The following KLF12 variants were observed in gnomAD, a reference collection of about 807,000 sequenced individuals.
KLF12 encodes the protein Krueppel-like factor 12.
Under a neutral mutation model 37.8 loss-of-function variants are expected in KLF12, and 9 were observed. The ratio of observed to expected loss-of-function variants is 0.24; its 90% CI spans 0.14 to 0.42. KLF12 has a LOEUF of 0.42. KLF12 is among the 10% of genes least tolerant of loss of function. KLF12 has a pLI of 1.00. For missense variants in KLF12, 411 were observed against 516.0 expected (o/e 0.80, Z 1.97); for synonymous variants, 208 against 202.1 (o/e 1.03, Z -0.25).
intron 6 of KLF12, among the ~76,000 whole-genome samples, chr13:73,724,508 T>C (rs758739970): frequency 6.6e-6 from 1 of 152,216 alleles, no homozygotes; most frequent in Non-Finnish European, 1.5e-5. Flanking sequence ...AGAATGACTG[T>C]CTGAGGCCAC....
chr13:74,037,482 C>T (rs867042576), intron 1 of KLF12, among the ~76,000 whole-genome samples: 4 of 152,282 alleles, frequency 2.6e-5, no homozygotes, highest in South Asian at 2.1e-4. Context: ...CCAATTAAAC[C>T]GTGTTGAACA....
At chr13:73,785,984 C>G (rs568420708) in intron 5 of KLF12, among the ~76,000 whole-genome samples, 1 of 152,126 alleles carries the variant, frequency 6.6e-6, no homozygotes, top group African/African-American at 2.4e-5. Flanking sequence ...TTCCCAGAGG[C>G]CTTTGCAACT....
At chr13:73,919,304 T>C (rs558996913) in intron 3 of KLF12, among the ~76,000 whole-genome samples, 1 of 152,278 alleles carries the variant, frequency 6.6e-6, no homozygotes, top group African/African-American at 2.4e-5. Flanking sequence ...CCTAGAAAAT[T>C]TGCTAACCCC....
intron 1 of KLF12, among the ~76,000 whole-genome samples, chr13:74,003,989 T>C (rs148131196): frequency 1.1e-4 from 17 of 152,174 alleles, no homozygotes; most frequent in Admixed American, 9.8e-4. Flanking sequence ...TGAAATGACA[T>C]GATCAAATAA....
intron 1 of KLF12, among the ~76,000 whole-genome samples, chr13:74,013,858 T>A (rs1413313026): frequency 6.6e-6 from 1 of 152,054 alleles, no homozygotes; most frequent in African/African-American, 2.4e-5. Context: ...CTTTTCTTTT[T>A]TTTTTTTAAG....
chr13:73,756,239 T>A (rs2138013417), intron 6 of KLF12, among the ~76,000 whole-genome samples: 1 of 152,366 alleles, frequency 6.6e-6, no homozygotes, highest in South Asian at 2.1e-4. Context: ...GAACCCAGCT[T>A]GTAGATCAAA....
chr13:74,190,384 C>T, the KLF12 span, among the ~76,000 whole-genome samples: 2 of 152,074 alleles, frequency 1.3e-5, no homozygotes, highest in African/African-American at 2.4e-5. Flanking sequence ...ATTTCCCTTG[C>T]CTTCTTCTAC....
chr13:74,208,574 ACT>A, the KLF12 span, among the ~76,000 whole-genome samples: 1 of 152,054 alleles, frequency 6.6e-6, no homozygotes, highest in Non-Finnish European at 1.5e-5. Flanking sequence ...GATTCCAAAG[ACT>A]CTTTCAAACT....
the KLF12 span, among the ~76,000 whole-genome samples, chr13:74,207,976 A>G: frequency 2.0e-5 from 3 of 152,198 alleles, no homozygotes; most frequent in African/African-American, 7.2e-5. Context: ...ATTTTGACTC[A>G]TCATTGAATT....
chr13:73,831,676 T>A (rs1219785302), intron 4 of KLF12, among the ~76,000 whole-genome samples: 1 of 152,218 alleles, frequency 6.6e-6, no homozygotes, highest in Non-Finnish European at 1.5e-5. Context: ...TGACGTTTTC[T>A]TTGCTGGCTG....
intron 4 of KLF12, among the ~76,000 whole-genome samples, chr13:73,830,462 C>T (rs971725484): frequency 3.9e-5 from 6 of 152,276 alleles, no homozygotes; most frequent in African/African-American, 1.4e-4. Context: ...ACCAAACACA[C>T]ACTTTATTGA....
At chr13:74,091,933 C>CT (rs1210963219) in intron 1 of KLF12, among the ~76,000 whole-genome samples, 1 of 151,724 alleles carries the variant, frequency 6.6e-6, no homozygotes, top group Non-Finnish European at 1.5e-5. Context: ...ACGTGTGACA[C>CT]TTTTTTGCCT....
intron 1 of KLF12, among the ~76,000 whole-genome samples, chr13:74,017,018 A>G (rs1892702871): frequency 6.6e-6 from 1 of 152,116 alleles, no homozygotes; most frequent in South Asian, 2.1e-4. Context: ...AAAACAGCAC[A>G]TGTACTCGTG....
chr13:73,904,729 C>T (rs1222351615), intron 3 of KLF12, among the ~76,000 whole-genome samples: 1 of 152,070 alleles, frequency 6.6e-6, no homozygotes, highest in Non-Finnish European at 1.5e-5. Flanking sequence ...TAAGTTACAA[C>T]TGTAACTCCC....
intron 3 of KLF12, among the ~76,000 whole-genome samples, chr13:73,853,178 A>G (rs1020401568): frequency 1.3e-5 from 2 of 152,190 alleles, no homozygotes; most frequent in African/African-American, 4.8e-5. Context: ...TTTTTTACAT[A>G]TGAATTGAAT....
chr13:73,891,912 A>AT (rs1212838596), intron 3 of KLF12, among the ~76,000 whole-genome samples: 13 of 152,138 alleles, frequency 8.5e-5, no homozygotes, highest in African/African-American at 3.1e-4. Flanking sequence ...AAAAAGTAAC[A>AT]TTGTATCAAA....
Position 73,686,656 on chromosome 13 carries a change from T to C in KLF12, c.*8834A>G, listed in dbSNP as rs1873512792. 1 of 152,408 alleles carries C rather than the reference T, an allele frequency of 6.6e-6. No homozygotes were observed. The highest frequency in any genetic ancestry group is 1.5e-5 in the Non-Finnish European group (1 of 68,016). The allele number at this position is 152,408 out of a possible 1,614,324, so 9.4% of individuals were successfully genotyped here. A position where few individuals can be genotyped will look rare whatever the true frequency, so the allele number is the denominator to read the frequency against. On this transcript the variant is annotated 3_prime_UTR_variant, in exon 8 of 8. Transcript: ENST00000377669. ...CTGGGGGGCTTTATCCTTTAATGTG[T>C]AGGACCTCCTCTGGGCACTCTTAAC...
At chr13:74,285,539 G>A in the KLF12 span, among the ~76,000 whole-genome samples, 1 of 152,188 alleles carries the variant, frequency 6.6e-6, no homozygotes, top group Non-Finnish European at 1.5e-5. Flanking sequence ...GGTATTGTGT[G>A]ATGGGGCATC....
chr13:74,085,820 C>T (rs977975577), intron 1 of KLF12, among the ~76,000 whole-genome samples: 1 of 152,158 alleles, frequency 6.6e-6, no homozygotes, highest in African/African-American at 2.4e-5. Context: ...TCTGGTACAA[C>T]TGTCTGTGGA....
Sources: gnomAD v4.1 joint callset for allele counts (sites outside exome capture counted in the v4.1 genomes callset) on GRCh38, gnomAD v4.1.1 for gene constraint, MANE v1.5 for transcripts, NCBI Gene and HGNC (gene_info 2026-07-23, HGNC 2026-07-21) for gene names.